The following TMEM132D variants were observed in gnomAD, a reference collection of about 807,000 sequenced individuals.
The protein encoded by TMEM132D is transmembrane protein 132D.
Under a neutral mutation model 62.3 loss-of-function variants are expected in TMEM132D, and 21 were observed. That is an observed-to-expected ratio of 0.34 (90% CI 0.24 to 0.49). The LOEUF is 0.49. Among genes scored for constraint, TMEM132D ranks in the 20% least tolerant of loss-of-function variants. TMEM132D has a pLI of 0.99. For missense variants in TMEM132D, 1,346 were observed against 1,402.8 expected (o/e 0.96, Z 0.65); for synonymous variants, 621 against 575.6 (o/e 1.08, Z -1.13).
intron 5 of TMEM132D, among the ~76,000 whole-genome samples, chr12:129,184,844 A>C (rs1049802452): frequency 2.8e-5 from 4 of 143,692 alleles, no homozygotes; most frequent in African/African-American, 1.0e-4. Context: ...TCCAGGGGAA[A>C]GAAAGGACGA....
chr12:129,210,195 G>A (rs76917229), intron 4 of TMEM132D: 3,131 of 154,278 alleles, frequency 0.02, 101 homozygotes, highest in African/African-American at 0.071. Context: ...AGCTTAAGCC[G>A]CCGAAGGATG....
intron 5 of TMEM132D, among the ~76,000 whole-genome samples, chr12:129,149,303 G>T (rs546636133): frequency 6.6e-6 from 1 of 152,094 alleles, no homozygotes; most frequent in South Asian, 2.1e-4. Flanking sequence ...TAGATGACGG[G>T]TTGATAGGTG....
chr12:129,272,806 A>G (rs993989966), intron 4 of TMEM132D, among the ~76,000 whole-genome samples: 1 of 151,820 alleles, frequency 6.6e-6, no homozygotes, highest in Non-Finnish European at 1.5e-5. Flanking sequence ...CACGCCTGTA[A>G]TCCCAGCACT....
intron 3 of TMEM132D, among the ~76,000 whole-genome samples, chr12:129,490,688 C>T (rs376168146): frequency 1.4e-5 from 2 of 141,798 alleles, no homozygotes; most frequent in Non-Finnish European, 3.0e-5. Flanking sequence ...CTCCTGACCT[C>T]GTGATCTGTC....
At chr12:129,473,337 T>TTTG (rs1204635561) in intron 3 of TMEM132D, among the ~76,000 whole-genome samples, 1 of 139,956 alleles carries the variant, frequency 7.1e-6, no homozygotes, top group Non-Finnish European at 1.6e-5. Context: ...TTTTTTTTTT[T>TTTG]TTTTTTTTTG....
intron 5 of TMEM132D, among the ~76,000 whole-genome samples, chr12:129,192,206 A>C (rs1460335972): frequency 6.6e-6 from 1 of 152,200 alleles, no homozygotes; most frequent in East Asian, 1.9e-4. Flanking sequence ...TGGGGCCTCC[A>C]TCCTGGGTGA....
intron 2 of TMEM132D, among the ~76,000 whole-genome samples, chr12:129,682,635 G>A (rs1483095073): frequency 2.0e-5 from 3 of 152,146 alleles, no homozygotes; most frequent in East Asian, 3.9e-4. Context: ...TGAAGTGGGT[G>A]GATCACGAGG....
rs1442317870 is a variant in TMEM132D at position 129,899,284 on chromosome 12, GATGGATGGATGGATGCATGC to G, written c.79+3957_79+3976del. On this transcript the variant is annotated intron_variant, in intron 1 of 8. Coordinates refer to ENST00000422113, the MANE Select transcript of TMEM132D (RefSeq NM_133448.3). ...GGATGGATGGATGGATGGATGCATG[GATGGATGGATGGATGCATGC>G]ATGGATGGATGGATGGATGGATGGA... 3.1e-4 allele frequency among the ~76,000 whole-genome samples: 37 copies of G among 118,648 alleles called. 1 individual carries two copies. The East Asian group carries it at 6.9e-3, about 22-fold the overall frequency. The allele number at this position is 118,648 out of a possible 152,430, so 77.8% of individuals were successfully genotyped here.
chr12:129,386,238 A>G (rs1338263030), intron 3 of TMEM132D, among the ~76,000 whole-genome samples: 1 of 152,168 alleles, frequency 6.6e-6, no homozygotes, highest in East Asian at 1.9e-4. Context: ...GAACAACATA[A>G]TTGTCTACTT....
intron 3 of TMEM132D, among the ~76,000 whole-genome samples, chr12:129,366,338 C>A (rs1054163256): frequency 6.6e-6 from 1 of 152,088 alleles, no homozygotes; most frequent in Non-Finnish European, 1.5e-5. Flanking sequence ...TTGGCACTGT[C>A]CTTGCAAATA....
At chr12:129,577,559 T>C (rs1247842801) in intron 2 of TMEM132D, among the ~76,000 whole-genome samples, 1 of 151,658 alleles carries the variant, frequency 6.6e-6, no homozygotes, top group Non-Finnish European at 1.5e-5. Context: ...AATGTTGACT[T>C]TTTATATTAG....
intron 5 of TMEM132D, among the ~76,000 whole-genome samples, chr12:129,199,855 C>G (rs1233732365): frequency 6.6e-6 from 1 of 152,128 alleles, no homozygotes; most frequent in Non-Finnish European, 1.5e-5. Flanking sequence ...CCCACTGGGT[C>G]CCTCGCATGA....
intron 5 of TMEM132D, among the ~76,000 whole-genome samples, chr12:129,092,495 G>A (rs1249397715): frequency 1.3e-5 from 2 of 151,872 alleles, no homozygotes; most frequent in Admixed American, 6.6e-5. Context: ...AGGAGTTCGC[G>A]ACCAGCCCGG....
chr12:129,814,603 C>T (rs1272542519), intron 1 of TMEM132D, among the ~76,000 whole-genome samples: 1 of 116,048 alleles, frequency 8.6e-6, no homozygotes, highest in Non-Finnish European at 1.8e-5. Flanking sequence ...AAGAGCGAAA[C>T]TCCCTCTCAA....
At chr12:129,446,845 C>T (rs1350077847) in intron 3 of TMEM132D, among the ~76,000 whole-genome samples, 3 of 152,150 alleles carry the variant, frequency 2.0e-5, no homozygotes, top group Admixed American at 6.5e-5. Flanking sequence ...ATTGTGCCTG[C>T]CAAGTTTTAA....
At chr12:129,612,881 C>T (rs539172666) in intron 2 of TMEM132D, among the ~76,000 whole-genome samples, 1 of 152,056 alleles carries the variant, frequency 6.6e-6, no homozygotes, top group East Asian at 1.9e-4. Flanking sequence ...AACGGACAAA[C>T]AAAAAAAGAC....
intron 1 of TMEM132D, among the ~76,000 whole-genome samples, chr12:129,703,766 G>A (rs898935465): frequency 1.1e-4 from 17 of 152,000 alleles, no homozygotes; most frequent in African/African-American, 4.1e-4. Context: ...CAGTGGTCTG[G>A]GAGAGATTTT....
In TMEM132D at chr12:129,072,194, A is replaced by AGAT. The variant is rs369133600; in HGVS notation, c.*1678_*1680dup. ...AGAAGATAGGTTCAAAGGAGGAGAG[A>AGAT]GATACAGAGACAGACACACAGAGAG... On this transcript the variant is annotated 3_prime_UTR_variant, in exon 9 of 9. Transcript: ENST00000422113. 5.5e-5 allele frequency: 8 copies of AGAT among 145,070 alleles called. No homozygotes were observed. Among genetic ancestry groups the AGAT allele is most frequent in the African/African-American group, 2.3e-4 (8 of 34,590 alleles). 9.0% of individuals were successfully genotyped at this position (145,070 alleles called of 1,614,324 possible).
chr12:129,428,133 G>T (rs1872551351), intron 3 of TMEM132D, among the ~76,000 whole-genome samples: 1 of 152,148 alleles, frequency 6.6e-6, no homozygotes, highest in African/African-American at 2.4e-5. Flanking sequence ...CCAGGAAGAT[G>T]AAAGGTCAGA....
Sources: allele counts gnomAD v4.1 joint callset (sites outside exome capture counted in the v4.1 genomes callset), GRCh38; gene constraint gnomAD v4.1.1; transcripts MANE v1.5; gene names NCBI Gene and HGNC (gene_info 2026-07-23, HGNC 2026-07-21).